Variants in ASPHD2 observed in about 807,000 individuals in gnomAD.
The protein encoded by ASPHD2 is aspartate beta-hydroxylase domain-containing protein 2.
ASPHD2 carries 12 observed loss-of-function variants against 34.6 expected under a neutral mutation model. The observed-to-expected ratio is 0.35, with a 90% CI of 0.22 to 0.56. The LOEUF is 0.56. Among genes scored for constraint, ASPHD2 ranks in the 20% least tolerant of loss-of-function variants. ASPHD2 has a pLI of 0.87. For missense variants in ASPHD2, 375 were observed against 505.0 expected (o/e 0.74, Z 2.47); for synonymous variants, 224 against 212.2 (o/e 1.06, Z -0.48).
chr22:26,438,720 AAGT>A (rs1428681834), intron 2 of ASPHD2, among the ~76,000 whole-genome samples: 4 of 151,196 alleles, frequency 2.6e-5, no homozygotes, highest in Non-Finnish European at 5.9e-5. Context: ...GGAGTTTATT[AAGT>A]ATTAACCCAC....
chr22:26,431,102 CAG>C (rs1270139917), intron 1 of ASPHD2, among the ~76,000 whole-genome samples: 2 of 152,210 alleles, frequency 1.3e-5, no homozygotes, highest in Non-Finnish European at 2.9e-5. Flanking sequence ...TTCCTCCTGA[CAG>C]ACTCAGTTGA....
chr22:26,441,721 A>C (rs2084842642), intron 2 of ASPHD2, among the ~76,000 whole-genome samples: 1 of 151,990 alleles, frequency 6.6e-6, no homozygotes, highest in African/African-American at 2.4e-5. Context: ...TCAGGAGTTC[A>C]AGACCCGCCT....
At chr22:26,434,664 T>C (rs574170462) in intron 2 of ASPHD2, among the ~76,000 whole-genome samples, 163 bp downstream of exon 2, 1 of 152,314 alleles carries the variant, frequency 6.6e-6, no homozygotes, top group African/African-American at 2.4e-5. Context: ...ACAGCAGAGA[T>C]TGAGTCAAAA....
At chr22:26,436,130 AG>A (rs2084790970) in intron 2 of ASPHD2, among the ~76,000 whole-genome samples, 1 of 152,224 alleles carries the variant, frequency 6.6e-6, no homozygotes, top group Non-Finnish European at 1.5e-5. Context: ...GGAAAGGAAC[AG>A]GCTTCGGAAG....
intron 2 of ASPHD2, among the ~76,000 whole-genome samples, chr22:26,438,674 T>C (rs200588695): frequency 8.2e-6 from 1 of 122,532 alleles, no homozygotes; most frequent in East Asian, 2.2e-4. Flanking sequence ...TACACATACA[T>C]ACATACACAC....
At position 26,443,410 on chromosome 22, in the gene ASPHD2, A is replaced by ATT; in HGVS notation, c.*215_*216dup. 2.3e-4 allele frequency: 96 copies of ATT among 426,158 alleles called. No homozygotes were observed. The highest frequency in any genetic ancestry group is 6.4e-4 in the Middle Eastern group (1 of 1,570). 26.4% of individuals were successfully genotyped at this position (426,158 alleles called of 1,614,324 possible). A position where few individuals can be genotyped will look rare whatever the true frequency, so the allele number is the denominator to read the frequency against. On this transcript the variant is annotated 3_prime_UTR_variant, in exon 4 of 4. Transcript: ENST00000215906. The stretch of plus-strand genomic sequence containing the variant: ...AACTTTTCGGCTTGTATTTCCTTAG[A>ATT]TTTTTTTTTTTTCCTTCCAATCATT...
chr22:26,444,644 A>G lies in ASPHD2; in HGVS notation c.*1438A>G, dbSNP rs1374747907. 1.3e-5 allele frequency: 2 copies of G among 152,270 alleles called. No individual in the cohort carries two copies. Among genetic ancestry groups the G allele is most frequent in the African/African-American group, 2.4e-5 (1 of 41,474 alleles). 9.4% of individuals were successfully genotyped at this position (152,270 alleles called of 1,614,324 possible). A position where few individuals can be genotyped will look rare whatever the true frequency, so the allele number is the denominator to read the frequency against. On this transcript the variant is annotated 3_prime_UTR_variant, in exon 4 of 4. Transcript: ENST00000215906. ...GGAATATACAGCTGGTCGCAGGTGC[A>G]GGTCCAGTGTTTAGATCCAAATGGA...
chr22:26,439,293 G>A (rs368084161), intron 2 of ASPHD2, among the ~76,000 whole-genome samples: 1 of 152,272 alleles, frequency 6.6e-6, no homozygotes, highest in East Asian at 1.9e-4. Context: ...CAGCTACTCG[G>A]GAGGCTGAGG....
intron 2 of ASPHD2, among the ~76,000 whole-genome samples, chr22:26,440,513 TAG>T (rs751875844): frequency 6.6e-6 from 1 of 151,922 alleles, no homozygotes; most frequent in Non-Finnish European, 1.5e-5. Context: ...GGATAATTAG[TAG>T]AGAGAGGGTT....
rs893996662 is a variant in ASPHD2, at chr22:26,429,760, A to G, written c.-225+274A>G. ...TCCTCCTACTCCTCTTCCCTGCCCCATCGTGGTCCCTTCCTCCATCTCCCT... is the reference window on the plus strand; with the variant it reads ...TCCTCCTACTCCTCTTCCCTGCCCCGTCGTGGTCCCTTCCTCCATCTCCCT... On this transcript the variant is annotated intron_variant, in intron 1 of 3. Coordinates refer to ENST00000215906, the MANE Select transcript of ASPHD2 (RefSeq NM_020437.5). This position sits in a 1 kb window ranked among gnomAD's most constrained non-coding sequence, Gnocchi z 4.5. 6.6e-6 allele frequency among the ~76,000 whole-genome samples: 1 copy of G among 151,336 alleles called. No individual in the cohort carries two copies. The highest frequency in any genetic ancestry group is 1.5e-5 in the Non-Finnish European group (1 of 67,794).
At position 26,443,309 on chromosome 22, in the gene ASPHD2, C is replaced by G; in HGVS notation, c.*103C>G. On this transcript the variant is annotated 3_prime_UTR_variant, in exon 4 of 4. Transcript: ENST00000215906. ...CGGTGTTGTTTCCATGCTCAGAAAC[C>G]TGCCTCAGCGGAAAGCTCTTATTTG... The G allele has an allele frequency of 1.1e-6, 1 of 934,476 alleles. No homozygotes were observed. The highest frequency in any genetic ancestry group is 1.5e-5 in the South Asian group (1 of 68,538). 57.9% of individuals were successfully genotyped at this position (934,476 alleles called of 1,614,324 possible).
intron 3 of ASPHD2, 37 bp downstream of exon 3, chr22:26,442,609 G>A (rs774923790): frequency 8.8e-6 from 13 of 1,469,422 alleles, no homozygotes; most frequent in Non-Finnish European, 1.2e-5. Flanking sequence ...TTTTTTCAAT[G>A]AATAGACTTT....
In ASPHD2 at chr22:26,443,360, C is replaced by T. The variant is rs2084871507; in HGVS notation, c.*154C>T. 5 of 620,136 alleles carry T rather than the reference C, an allele frequency of 8.1e-6. No homozygotes were observed. The highest frequency in any genetic ancestry group is 1.4e-5 in the Non-Finnish European group (5 of 355,630). The allele number at this position is 620,136 out of a possible 1,614,324, so 38.4% of individuals were successfully genotyped here. ...GGATTTTATATCATGTCGGGTCCCT[C>T]TTTCCCTTGGTTATTGTAAATGGAA... On this transcript the variant is annotated 3_prime_UTR_variant, in exon 4 of 4. Transcript: ENST00000215906.
chr22:26,429,514 G>A lies in ASPHD2; in HGVS notation c.-225+28G>A, dbSNP rs2084743579. The stretch of plus-strand genomic sequence containing the variant: ...AAGCTTCGTCTCCGGGGGCTGCCGG[G>A]GCGGGAGGGCGGCGCGGCTGGGCCG... On this transcript the variant is annotated intron_variant, in intron 1 of 3. Transcript: ENST00000215906. This position sits in a 1 kb window ranked among gnomAD's most constrained non-coding sequence, Gnocchi z 4.5. The A allele has an allele frequency of 6.6e-6, 1 of 150,774 alleles. No individual in the cohort carries two copies. The highest frequency in any genetic ancestry group is 1.5e-5 in the Non-Finnish European group (1 of 67,336). 9.3% of individuals were successfully genotyped at this position (150,774 alleles called of 1,614,324 possible).
At chr22:26,434,582 A>C in intron 2 of ASPHD2, 81 bp downstream of exon 2, 2 of 1,448,892 alleles carry the variant, frequency 1.4e-6, no homozygotes, top group Non-Finnish European at 1.9e-6. Context: ...CGAAAGCTCA[A>C]ATGGTCAGAA....
intron 2 of ASPHD2, among the ~76,000 whole-genome samples, chr22:26,435,587 G>T (rs1005651274): frequency 1.3e-5 from 2 of 152,230 alleles, no homozygotes; most frequent in Non-Finnish European, 2.9e-5. Context: ...CCTCAGGGCT[G>T]CCTGGGAAGG....
intron 1 of ASPHD2, among the ~76,000 whole-genome samples, chr22:26,431,561 T>C (rs1458904078): frequency 6.6e-6 from 1 of 152,204 alleles, no homozygotes; most frequent in Non-Finnish European, 1.5e-5. Flanking sequence ...GTCAAGTGAT[T>C]ATTCAACCGA....
chr22:26,438,190 G>A (rs973081313), intron 2 of ASPHD2, among the ~76,000 whole-genome samples: 4 of 152,078 alleles, frequency 2.6e-5, no homozygotes, highest in African/African-American at 7.2e-5. Flanking sequence ...AAAGGCCTTC[G>A]CCACCTGAAC....
At chr22:26,440,663 A>C (rs1467300363) in intron 2 of ASPHD2, among the ~76,000 whole-genome samples, 1 of 152,126 alleles carries the variant, frequency 6.6e-6, no homozygotes, top group Non-Finnish European at 1.5e-5. Flanking sequence ...CAAAGCTGCC[A>C]GTCTATTTCC....
Sources: gnomAD v4.1 joint callset for allele counts (sites outside exome capture counted in the v4.1 genomes callset) on GRCh38, gnomAD v4.1.1 for gene constraint, Gnocchi (gnomAD v3.1) non-coding constraint, MANE v1.5 for transcripts, NCBI Gene and HGNC (gene_info 2026-07-23, HGNC 2026-07-21) for gene names.